The following SLC9A2 variants were observed in gnomAD, a reference collection of about 807,000 sequenced individuals.
SLC9A2 encodes solute carrier family 9 member A2, also known as sodium/hydrogen exchanger 2.
A neutral mutation model predicts 71.7 loss-of-function variants in SLC9A2; 42 were observed. The observed-to-expected ratio is 0.59, with a 90% CI of 0.46 to 0.76. The LOEUF (loss-of-function observed/expected upper bound fraction) is 0.76. Ranked by LOEUF, SLC9A2 falls within the 30% of genes least tolerant of loss-of-function variation. The pLI, the probability that SLC9A2 is intolerant of heterozygous loss-of-function variation, is 0.00. For synonymous variants in SLC9A2, 396 were observed against 392.5 expected (o/e 1.01, Z -0.10); for missense variants, 829 against 1,017.4 (o/e 0.81, Z 2.52).
chr2:102,670,178 A>ATTT (rs397709089), intron 3 of SLC9A2, among the ~76,000 whole-genome samples: 17 of 145,690 alleles, frequency 1.2e-4, no homozygotes, highest in African/African-American at 4.1e-4. Flanking sequence ...CTACCCAGCT[A>ATTT]TTTTTTTTTT....
At chr2:102,620,704 C>T (rs1005421836) in intron 1 of SLC9A2, among the ~76,000 whole-genome samples, 46 of 152,080 alleles carry the variant, frequency 3.0e-4, no homozygotes, top group African/African-American at 8.9e-4. Flanking sequence ...GCTTTTGCTT[C>T]GGGGTGGCTG....
rs747111431 is a variant in SLC9A2, at chr2:102,683,261, A to G, written c.1005A>G (p.Ala335=). ...ATAGAAGCTGAATCTTCCCTTTCAG[A>G]ATCACTGCTTGTGCAATGACTATGA... is the stretch of plus-strand genomic sequence containing the variant. The part of the protein sequence containing the change: ...AEMFHLSGIM[A]ITACAMTMNK... The change falls in exon 4 of 12, where the codon GCA becomes GCG. Residue 335 remains alanine, a splice_region_variant and synonymous_variant. Coordinates refer to ENST00000233969, the MANE Select transcript of SLC9A2 (RefSeq NM_003048.6). The G allele has an allele frequency of 4.4e-6, 7 of 1,608,434 alleles. No homozygotes were observed. The highest frequency in any genetic ancestry group is 6.0e-6 in the Non-Finnish European group (7 of 1,174,756).
At chr2:102,693,843 T>C (rs553417251) in intron 5 of SLC9A2, among the ~76,000 whole-genome samples, 1 of 152,356 alleles carries the variant, frequency 6.6e-6, no homozygotes, top group East Asian at 1.9e-4. Flanking sequence ...GACCCTGATA[T>C]GTGTGCAGTA....
chr2:102,632,186 A>G (rs1231282361), intron 1 of SLC9A2, among the ~76,000 whole-genome samples: 16 of 141,360 alleles, frequency 1.1e-4, no homozygotes, highest in South Asian at 2.2e-4. Flanking sequence ...ACATACATAT[A>G]TATATAAATG....
At chr2:102,650,086 G>A (rs963978064) in intron 1 of SLC9A2, among the ~76,000 whole-genome samples, 2 of 152,144 alleles carry the variant, frequency 1.3e-5, no homozygotes, top group African/African-American at 4.8e-5. Flanking sequence ...GCCCATCAAC[G>A]AGACTGGATA....
chr2:102,694,841 G>A (rs1025189348), intron 6 of SLC9A2, among the ~76,000 whole-genome samples: 1 of 151,770 alleles, frequency 6.6e-6, no homozygotes, highest in South Asian at 2.1e-4. Flanking sequence ...CAAAATAATC[G>A]AAGACTTACC....
intron 5 of SLC9A2, among the ~76,000 whole-genome samples, chr2:102,690,175 G>A (rs1291997118): frequency 6.6e-6 from 1 of 152,154 alleles, no homozygotes; most frequent in East Asian, 1.9e-4. Flanking sequence ...GGCCGGAAAG[G>A]GTGAACACTA....
rs1332107931 is a variant in SLC9A2, at chr2:102,657,626, G to A, written c.352G>A (p.Gly118Arg). The change falls in exon 2 of 12, where the codon GGA becomes AGA. Residue 118 changes from glycine (G) to arginine (R), a missense_variant. By Grantham distance (125) the Gly-to-Arg change is moderately radical (BLOSUM62 -2). This residue lies in a region of SLC9A2 where 500 missense variants were observed against 726.3 expected (regional missense o/e 0.69). Coordinates refer to ENST00000233969, the MANE Select transcript of SLC9A2 (RefSeq NM_003048.6). ...VPESCLLIMVGLLLGGIIFGV... is the reference protein window; with the variant it reads ...VPESCLLIMVRLLLGGIIFGV... ...TGAGAGCTGCCTTCTTATAATGGTT[G>A]GACTTCTACTAGGTGGGATTATTTT... 1 of 1,613,906 alleles carries A rather than the reference G, an allele frequency of 6.2e-7. No homozygotes were observed. The highest frequency in any genetic ancestry group is 8.5e-7 in the Non-Finnish European group (1 of 1,179,970).
intron 1 of SLC9A2, among the ~76,000 whole-genome samples, chr2:102,647,823 C>T (rs1018063540): frequency 2.0e-4 from 31 of 151,464 alleles, no homozygotes; most frequent in Non-Finnish European, 4.3e-4. Flanking sequence ...AGACCAAAAA[C>T]AAGTTCTGAA....
In SLC9A2 at chr2:102,711,210, T is replaced by C. The variant is rs899218575; in HGVS notation, c.*2721T>C. The C allele has an allele frequency of 6.6e-6, 1 of 152,336 alleles. No homozygotes were observed. The highest frequency in any genetic ancestry group is 1.5e-5 in the Non-Finnish European group (1 of 68,028). 9.4% of individuals were successfully genotyped at this position (152,336 alleles called of 1,614,324 possible). A position where few individuals can be genotyped will look rare whatever the true frequency, so the allele number is the denominator to read the frequency against. ...TTTGCATTTATTGTACTGCCCAAATTGTTTTTATGTTAAAAGTCACGTTTC... is the reference window on the plus strand; with the variant it reads ...TTTGCATTTATTGTACTGCCCAAATCGTTTTTATGTTAAAAGTCACGTTTC... On this transcript the variant is annotated 3_prime_UTR_variant, in exon 12 of 12. Transcript: ENST00000233969.
intron 1 of SLC9A2, among the ~76,000 whole-genome samples, chr2:102,620,922 G>A (rs1317169222): frequency 1.3e-5 from 2 of 152,114 alleles, no homozygotes; most frequent in Admixed American, 1.3e-4. Context: ...TGTAATCCCA[G>A]CACTTTGGGA....
intron 7 of SLC9A2, among the ~76,000 whole-genome samples, chr2:102,700,031 T>C (rs779479096): frequency 5.9e-5 from 9 of 152,184 alleles, no homozygotes; most frequent in Non-Finnish European, 1.0e-4. Context: ...CTTTAACATA[T>C]GAATTTTTGG....
intron 7 of SLC9A2, among the ~76,000 whole-genome samples, chr2:102,699,788 C>T (rs1040015193): frequency 1.8e-4 from 27 of 152,088 alleles, no homozygotes; most frequent in Non-Finnish European, 1.2e-4. Context: ...TTCTGAGGGC[C>T]ACGAGGGAAG....
At chr2:102,695,778 T>TA (rs1340659725) in intron 7 of SLC9A2, among the ~76,000 whole-genome samples, 2 of 24,580 alleles carry the variant, frequency 8.1e-5, no homozygotes, top group African/African-American at 2.4e-4. Context: ...ATAATATATA[T>TA]TATATATATA....
At chr2:102,686,030 G>A (rs972886819) in intron 5 of SLC9A2, among the ~76,000 whole-genome samples, 3 of 152,118 alleles carry the variant, frequency 2.0e-5, no homozygotes, top group Non-Finnish European at 4.4e-5. Context: ...ATGAGCGATC[G>A]GTAAAAAAGG....
At chr2:102,684,387 A>G in intron 5 of SLC9A2, 51 bp downstream of exon 5, 1 of 1,516,038 alleles carries the variant, frequency 6.6e-7, no homozygotes. Flanking sequence ...CGTTCAGAAT[A>G]TTGGATTCTG....
chr2:102,701,274 G>A, intron 8 of SLC9A2, 43 bp downstream of exon 8: 1 of 1,359,006 alleles, frequency 7.4e-7, no homozygotes, highest in Non-Finnish European at 1.0e-6. Flanking sequence ...TGTTAAATAG[G>A]CATTGATAGT....
intron 2 of SLC9A2, among the ~76,000 whole-genome samples, chr2:102,660,767 T>TA (rs1408700933): frequency 6.6e-6 from 1 of 151,966 alleles, no homozygotes; most frequent in East Asian, 1.9e-4. Context: ...GGGGTTAGTT[T>TA]AAGGAACTCA....
intron 7 of SLC9A2, among the ~76,000 whole-genome samples, chr2:102,696,173 T>A (rs1677765191): frequency 6.6e-6 from 1 of 152,030 alleles, no homozygotes; most frequent in African/African-American, 2.4e-5. Context: ...AGTGGTTGCT[T>A]GAATCAGGGC....
Sources: gnomAD v4.1 joint callset for allele counts (sites outside exome capture counted in the v4.1 genomes callset) on GRCh38, gnomAD v4.1.1 for gene constraint, gnomAD v4.1.1 regional missense constraint, MANE v1.5 for transcripts, NCBI Gene and HGNC (gene_info 2026-07-23, HGNC 2026-07-21) for gene names.